The following FBXO15 variants were observed in gnomAD, a reference collection of about 807,000 sequenced individuals.
The protein encoded by FBXO15 is F-box protein 15.
A neutral mutation model predicts 49.5 loss-of-function variants in FBXO15; 30 were observed. That is an observed-to-expected ratio of 0.61 (90% confidence interval 0.45 to 0.82). The LOEUF is 0.82. FBXO15 is among the 40% of genes least tolerant of loss of function. The pLI, the probability that FBXO15 is intolerant of heterozygous loss-of-function variation, is 0.00. For missense variants in FBXO15, 591 were observed against 631.5 expected, an observed-to-expected ratio of 0.94 and a Z score of 0.69; for synonymous variants, 250 against 232.7, an observed-to-expected ratio of 1.07 and a Z score of -0.68.
chr18:74,137,833 T>C (rs969146137), intron 2 of FBXO15, among the ~76,000 whole-genome samples: 1 of 152,150 alleles, frequency 6.6e-6, no homozygotes, highest in Non-Finnish European at 1.5e-5. Flanking sequence ...TCCCTGAGAA[T>C]GTTAATTTGT....
At position 74,120,222 on chromosome 18, in the gene FBXO15, C is replaced by A. The variant is rs1914415270; in HGVS notation, c.1138+3146G>T. Reference sequence around the variant, plus strand: ...CACATGGCAAAAACTGATAAAACAGCAAAAAAGTACACAAATTCACTGTCA... The same window carrying A: ...CACATGGCAAAAACTGATAAAACAGAAAAAAAGTACACAAATTCACTGTCA... On this transcript the variant is annotated intron_variant, in intron 8 of 9. Coordinates refer to ENST00000419743, the MANE Select transcript of FBXO15 (RefSeq NM_001142958.2). Among the ~76,000 whole-genome samples the A allele has an allele frequency of 1.3e-5, 2 of 152,048 alleles. 1 individual carries two copies. The highest frequency in any genetic ancestry group is 4.1e-4 in the South Asian group (2 of 4,824).
At chr18:74,080,056 G>A (rs1251349585) in intron 9 of FBXO15, among the ~76,000 whole-genome samples, 1 of 151,998 alleles carries the variant, frequency 6.6e-6, no homozygotes, top group Non-Finnish European at 1.5e-5. Flanking sequence ...GAAGGAGCCG[G>A]GTTTTTATTT....
intron 8 of FBXO15, among the ~76,000 whole-genome samples, chr18:74,103,570 T>C (rs1913617116): frequency 6.6e-6 from 1 of 151,846 alleles, no homozygotes; most frequent in Non-Finnish European, 1.5e-5. Context: ...CCAGGACATA[T>C]AATAATCAAA....
chr18:74,112,563 G>T (rs1337368468), intron 8 of FBXO15, among the ~76,000 whole-genome samples: 5 of 152,170 alleles, frequency 3.3e-5, no homozygotes, highest in Non-Finnish European at 7.3e-5. Context: ...TGTGCTTTAT[G>T]GTGAGAAACT....
chr18:74,095,024 T>C (rs769170146), intron 8 of FBXO15, among the ~76,000 whole-genome samples: 2 of 152,254 alleles, frequency 1.3e-5, no homozygotes, highest in Non-Finnish European at 2.9e-5. Flanking sequence ...AACCTTATAA[T>C]CCAACCTCTG....
chr18:74,121,572 C>G (rs1366020528), intron 8 of FBXO15, among the ~76,000 whole-genome samples: 4 of 152,098 alleles, frequency 2.6e-5, no homozygotes, highest in East Asian at 1.9e-4. Context: ...AAAATGCCAA[C>G]AAACGCGAGA....
At chr18:74,130,063 G>T (rs961061937) in intron 4 of FBXO15, among the ~76,000 whole-genome samples, 2 of 152,118 alleles carry the variant, frequency 1.3e-5, no homozygotes, top group South Asian at 4.1e-4. Flanking sequence ...TATAACCTAT[G>T]CACCTCCTCC....
intron 8 of FBXO15, among the ~76,000 whole-genome samples, chr18:74,095,060 C>G (rs1913217655): frequency 6.6e-6 from 1 of 152,248 alleles, no homozygotes; most frequent in Admixed American, 6.5e-5. Context: ...TCTTCTGCAG[C>G]TTCCTACCTT....
At chr18:74,090,818 G>A (rs887965752) in intron 8 of FBXO15, among the ~76,000 whole-genome samples, 1 of 152,118 alleles carries the variant, frequency 6.6e-6, no homozygotes, top group Non-Finnish European at 1.5e-5. Context: ...ATTGTTTTAT[G>A]TCTGGTTGTG....
intron 8 of FBXO15, among the ~76,000 whole-genome samples, chr18:74,106,205 T>C (rs1164031110): frequency 6.6e-6 from 1 of 152,064 alleles, no homozygotes; most frequent in Non-Finnish European, 1.5e-5. Flanking sequence ...AAAGGAGAAA[T>C]ACTCAATCTA....
intron 8 of FBXO15, chr18:74,096,867 C>G (rs1599146873): frequency 1.3e-5 from 2 of 152,232 alleles, no homozygotes; most frequent in East Asian, 3.9e-4. Context: ...GCAGATTACT[C>G]CTGCAGGATA....
intron 9 of FBXO15, among the ~76,000 whole-genome samples, chr18:74,080,557 C>G (rs1431967832): frequency 6.6e-6 from 1 of 152,210 alleles, no homozygotes; most frequent in Admixed American, 6.5e-5. Flanking sequence ...GTTTAGCAAC[C>G]TACAGAATCA....
intron 8 of FBXO15, among the ~76,000 whole-genome samples, chr18:74,109,086 T>G (rs1408145704): frequency 1.3e-5 from 2 of 152,094 alleles, no homozygotes; most frequent in African/African-American, 4.8e-5. Flanking sequence ...AAAATGATCA[T>G]CTGACAAAGG....
chr18:74,087,261 G>A (rs1052007371), intron 8 of FBXO15, among the ~76,000 whole-genome samples: 2 of 152,060 alleles, frequency 1.3e-5, no homozygotes, highest in African/African-American at 2.4e-5. Flanking sequence ...ATTTTGGTTC[G>A]GGTGTGCATG....
chr18:74,088,641 C>T (rs750530666), intron 8 of FBXO15, among the ~76,000 whole-genome samples: 2 of 152,118 alleles, frequency 1.3e-5, no homozygotes, highest in African/African-American at 4.8e-5. Context: ...AAATGTGATG[C>T]CTCCAGCTTT....
chr18:74,098,027 C>T (rs967110390), intron 8 of FBXO15: 7 of 152,342 alleles, frequency 4.6e-5, no homozygotes, highest in African/African-American at 9.7e-5. Flanking sequence ...AGATAACAAT[C>T]ACTACAACTT....
At chr18:74,123,532 A>G (rs1334936714) in intron 7 of FBXO15, 22 bp from the exon 8 acceptor site, 6 of 1,579,296 alleles carry the variant, frequency 3.8e-6, no homozygotes. Flanking sequence ...AACAAAAGAA[A>G]CATACAAATT....
At chr18:74,077,283 T>C (rs944267220) in intron 9 of FBXO15, among the ~76,000 whole-genome samples, 1 of 152,144 alleles carries the variant, frequency 6.6e-6, no homozygotes, top group Admixed American at 6.5e-5. Flanking sequence ...CTGGTTGTTA[T>C]TAAACACTAA....
intron 9 of FBXO15, among the ~76,000 whole-genome samples, chr18:74,078,329 G>GCC (rs1190603977): frequency 6.3e-5 from 9 of 142,648 alleles, no homozygotes; most frequent in African/African-American, 2.2e-4. Flanking sequence ...GGGTTTCAAG[G>GCC]CCCCCCCCCG....
Sources: gnomAD v4.1 joint callset for allele counts (sites outside exome capture counted in the v4.1 genomes callset) on GRCh38, gnomAD v4.1.1 for gene constraint, MANE v1.5 for transcripts, NCBI Gene and HGNC (gene_info 2026-07-23, HGNC 2026-07-21) for gene names.